ZDHHC2: variants seen among roughly 807,000 people sequenced by gnomAD.
ZDHHC2 encodes the protein palmitoyltransferase ZDHHC2.
Under a neutral mutation model 55.6 loss-of-function variants are expected in ZDHHC2, and 51 were observed. The ratio of observed to expected loss-of-function variants is 0.92; its 90% CI spans 0.73 to 1.16. The LOEUF is 1.16. Among genes scored for constraint, ZDHHC2 ranks in the 50% most tolerant of loss-of-function variants. ZDHHC2 has a pLI of 0.00. For synonymous variants in ZDHHC2, 199 were observed against 152.9 expected (o/e 1.30, Z -2.22); for missense variants, 491 against 442.4 (o/e 1.11, Z -0.99).
chr8:17,194,139 T>A (rs1331207848), intron 3 of ZDHHC2, among the ~76,000 whole-genome samples: 1 of 152,196 alleles, frequency 6.6e-6, no homozygotes, highest in East Asian at 1.9e-4. Context: ...GGTATGTATG[T>A]GCCACATGTT....
At chr8:17,217,303 G>C in intron 12 of ZDHHC2, 57 bp downstream of exon 12, 2 of 1,219,320 alleles carry the variant, frequency 1.6e-6, no homozygotes, top group South Asian at 2.8e-5. Context: ...AATTTTATTA[G>C]GGCAAATAGT....
At chr8:17,190,998 G>T (rs1025181281) in intron 3 of ZDHHC2, among the ~76,000 whole-genome samples, 2 of 103,070 alleles carry the variant, frequency 1.9e-5, no homozygotes, top group African/African-American at 7.6e-5. Context: ...GTTTCGCTCT[G>T]TCACCCAGGC....
At chr8:17,187,669 C>T (rs941152202) in intron 3 of ZDHHC2, among the ~76,000 whole-genome samples, 2 of 151,914 alleles carry the variant, frequency 1.3e-5, no homozygotes, top group African/African-American at 4.8e-5. Context: ...TCCATCATCT[C>T]TCTTACCCTC....
chr8:17,211,935 A>G (rs1807404128), intron 10 of ZDHHC2, among the ~76,000 whole-genome samples: 1 of 152,172 alleles, frequency 6.6e-6, no homozygotes. Context: ...AAAATTCAGT[A>G]GTAGTTTATA....
chr8:17,205,645 T>G lies in ZDHHC2; in HGVS notation c.477-10T>G. ...AAAACTCACTGGAAATGTTTTTGTT[T>G]TGTTAACAGGGTGAACAATTGTGTT... On this transcript the variant is annotated splice_polypyrimidine_tract_variant and intron_variant, in intron 6 of 12. Transcript: ENST00000262096. 6.3e-7 allele frequency: 1 copy of G among 1,587,256 alleles called. No homozygotes were observed. Among genetic ancestry groups the G allele is most frequent in the Non-Finnish European group, 8.5e-7 (1 of 1,171,628 alleles).
Position 17,204,623 on chromosome 8 carries a change from A to G in ZDHHC2, c.477-1032A>G, listed in dbSNP as rs116727270. Among the ~76,000 whole-genome samples, 562 of 152,272 alleles carry G rather than the reference A, an allele frequency of 3.7e-3. 9 individuals are homozygous for G. Among genetic ancestry groups the G allele is most frequent in the African/African-American group, 0.013 (539 of 41,556 alleles). On this transcript the variant is annotated intron_variant, in intron 6 of 12. Transcript: ENST00000262096. ...AGCTAAATGATGAGAACACATGGAC[A>G]CAGAGGAGGGAACAACACACACTGG...
In ZDHHC2 at chr8:17,199,564, CTTCGTCTT is replaced by C. The variant is rs1563161395; in HGVS notation, c.476+1153_476+1160del. ...CGTCTTCTGTCTTCGTCTTCGTCTTCTTCGTCTTTGTCTTCTTCTTCTTCTTTCTTCTT... is the reference window on the plus strand; with the variant it reads ...CGTCTTCTGTCTTCGTCTTCGTCTTCTGTCTTCTTCTTCTTCTTTCTTCTT... On this transcript the variant is annotated intron_variant, in intron 6 of 12. Transcript: ENST00000262096. 1.7e-4 allele frequency among the ~76,000 whole-genome samples: 12 copies of C among 71,998 alleles called. 2 individuals carry two copies. The highest frequency in any genetic ancestry group is 1.2e-3 in the South Asian group (3 of 2,576). The allele number at this position is 71,998 out of a possible 152,430, so 47.2% of individuals were successfully genotyped here.
intron 6 of ZDHHC2, among the ~76,000 whole-genome samples, chr8:17,204,331 G>C (rs1021926646): frequency 6.6e-6 from 1 of 152,174 alleles, no homozygotes; most frequent in East Asian, 1.9e-4. Context: ...CGTTAGAAGG[G>C]GAACAAGAAC....
At chr8:17,183,057 C>T (rs897869830) in intron 1 of ZDHHC2, among the ~76,000 whole-genome samples, 3 of 152,212 alleles carry the variant, frequency 2.0e-5, no homozygotes, top group Non-Finnish European at 4.4e-5. Context: ...CCACCGTGCC[C>T]AGCCCCTAAC....
At chr8:17,157,091 C>A (rs906554301) in intron 1 of ZDHHC2, among the ~76,000 whole-genome samples, 1 of 152,096 alleles carries the variant, frequency 6.6e-6, no homozygotes, top group African/African-American at 2.4e-5. Context: ...CCGCACTCGC[C>A]GCCGAGCCTC....
chr8:17,187,412 TA>T (rs879557575), intron 3 of ZDHHC2, among the ~76,000 whole-genome samples: 104 of 145,590 alleles, frequency 7.1e-4, no homozygotes, highest in Admixed American at 1.0e-3. Flanking sequence ...AAGCCAAGTT[TA>T]AAAAAAAAAA....
rs1436891769 is a variant in ZDHHC2 at position 17,184,778 on chromosome 8, T to TC, written c.131-10dup. 2 of 1,549,406 alleles carry TC rather than the reference T, an allele frequency of 1.3e-6. No homozygotes were observed. Among genetic ancestry groups the TC allele is most frequent in the South Asian group, 2.4e-5 (2 of 83,286 alleles). On this transcript the variant is annotated splice_polypyrimidine_tract_variant and intron_variant, in intron 1 of 12. Coordinates refer to ENST00000262096, the MANE Select transcript of ZDHHC2 (RefSeq NM_016353.5). ...CTTCATGTAACCTATTACCTTTTTT[T>TC]CTCTTTACAGTGTCCATGGAAAACA...
chr8:17,219,052 C>G (rs1388407816), intron 12 of ZDHHC2, among the ~76,000 whole-genome samples: 1 of 151,586 alleles, frequency 6.6e-6, no homozygotes, highest in Non-Finnish European at 1.5e-5. Flanking sequence ...GAGCTCAAGA[C>G]CAGCCTAACC....
intron 1 of ZDHHC2, among the ~76,000 whole-genome samples, chr8:17,181,966 G>A (rs2150902959): frequency 6.6e-6 from 1 of 152,214 alleles, no homozygotes; most frequent in South Asian, 2.1e-4. Context: ...TGTGAGAAAG[G>A]AAACTTTGAA....
intron 7 of ZDHHC2, 21 bp downstream of exon 7, chr8:17,205,796 C>A: frequency 6.3e-7 from 1 of 1,584,290 alleles, no homozygotes. Flanking sequence ...AACTTGGTAA[C>A]TCTTTTTTTG....
chr8:17,215,153 T>C, intron 10 of ZDHHC2, 84 bp from the exon 11 acceptor site: 1 of 1,251,412 alleles, frequency 8.0e-7, no homozygotes, highest in Non-Finnish European at 1.1e-6. Context: ...CAAGTGGTTT[T>C]GGTTCCATAC....
intron 1 of ZDHHC2, among the ~76,000 whole-genome samples, chr8:17,180,242 C>G (rs185964825): frequency 6.6e-6 from 1 of 152,066 alleles, no homozygotes; most frequent in East Asian, 1.9e-4. Flanking sequence ...TTTAAGTTCT[C>G]AAAAGGACTA....
rs1464829216 is a variant in ZDHHC2, at chr8:17,223,246, T to G, written c.*3025T>G. The G allele has an allele frequency of 6.6e-6, 1 of 151,896 alleles. No homozygotes were observed. The highest frequency in any genetic ancestry group is 1.5e-5 in the Non-Finnish European group (1 of 67,794). 9.4% of individuals were successfully genotyped at this position (151,896 alleles called of 1,614,324 possible). A position where few individuals can be genotyped will look rare whatever the true frequency, so the allele number is the denominator to read the frequency against. ...TTGTTTGTAAAAGTGATGGTTCTGA[T>G]ACCTTTGATCAAACATAGATACAAA... is the stretch of plus-strand genomic sequence containing the variant. On this transcript the variant is annotated 3_prime_UTR_variant, in exon 13 of 13. Transcript: ENST00000262096.
chr8:17,186,252 C>CA (rs1805702406), intron 2 of ZDHHC2, 79 bp from the exon 3 acceptor site: 3 of 909,784 alleles, frequency 3.3e-6, no homozygotes, highest in Non-Finnish European at 5.0e-6. Flanking sequence ...TATTTTAAAA[C>CA]AAGCAGATCG....
Sources: allele counts gnomAD v4.1 joint callset (sites outside exome capture counted in the v4.1 genomes callset), GRCh38; gene constraint gnomAD v4.1.1; transcripts MANE v1.5; gene names NCBI Gene and HGNC (gene_info 2026-07-23, HGNC 2026-07-21).